The following FKBP6 variants were observed in gnomAD, a reference collection of about 807,000 sequenced individuals.
The protein encoded by FKBP6 is FKBP prolyl isomerase family member 6 (inactive), also known as inactive peptidyl-prolyl cis-trans isomerase FKBP6.
FKBP6 carries 29 observed loss-of-function variants against 41.7 expected under a neutral mutation model. The observed-to-expected ratio is 0.70, with a 90% CI of 0.52 to 0.95. The LOEUF (loss-of-function observed/expected upper bound fraction) is 0.95, where lower values mean the gene tolerates loss of function less well. Ranked by LOEUF, FKBP6 falls within the 40% of genes least tolerant of loss-of-function variation. The pLI is 0.00. For missense variants in FKBP6, 338 were observed against 408.7 expected, an observed-to-expected ratio of 0.83 and a Z score of 1.49; for synonymous variants, 130 against 165.1, an observed-to-expected ratio of 0.79 and a Z score of 1.63.
rs71925165 is a variant in FKBP6, at chr7:73,356,065, CAAAAAA to C, written c.*3-2094_*3-2089del. On this transcript the variant is annotated intron_variant, in intron 8 of 8. Transcript: ENST00000252037. ...TGGGCGACAGAGCAAGACTCTGTCT[CAAAAAA>C]AAAAAAAAAAAAAAAAAAAAAGTGA... Among the ~76,000 whole-genome samples, 30 of 32,200 alleles carry C rather than the reference CAAAAAA, an allele frequency of 9.3e-4. No individual in the cohort carries two copies. In the South Asian group the frequency reaches 0.032, roughly 35 times the overall value. 21.1% of individuals were successfully genotyped at this position (32,200 alleles called of 152,430 possible). A position where few individuals can be genotyped will look rare whatever the true frequency, so the allele number is the denominator to read the frequency against.
intron 5 of FKBP6, among the ~76,000 whole-genome samples, chr7:73,336,012 A>G (rs1411427366): frequency 6.6e-6 from 1 of 152,188 alleles, no homozygotes; most frequent in Non-Finnish European, 1.5e-5. Context: ...TGTCTGGGTC[A>G]CACAAGTATG....
Position 73,344,978 on chromosome 7 carries a change from ATTAG to A in FKBP6, c.*2+2083_*2+2086del, listed in dbSNP as rs1419377718. On this transcript the variant is annotated intron_variant, in intron 8 of 8. Transcript: ENST00000252037. ...TGGAGGAATGAGTGTTCTCTTAAGTATTAGTTATGTGCTCTAAGCCTCTGACTAT... is the reference window on the plus strand; with the variant it reads ...TGGAGGAATGAGTGTTCTCTTAAGTATTATGTGCTCTAAGCCTCTGACTAT... Among the ~76,000 whole-genome samples the A allele has an allele frequency of 5.3e-5, 8 of 152,286 alleles. No individual in the cohort carries two copies. The East Asian group carries it at 1.2e-3, about 22-fold the overall frequency.
rs970823313 is a variant in FKBP6, at chr7:73,349,882, C to A, written c.*2+6983C>A. ...TTGAATGGTTGGCCATTGGTGATTG[C>A]CAGTTGAAGGTTGCTTCGGCCCTTC... On this transcript the variant is annotated intron_variant, in intron 8 of 8. Transcript: ENST00000252037. Among the ~76,000 whole-genome samples the A allele has an allele frequency of 3.2e-4, 49 of 152,232 alleles. 1 individual carries two copies. The highest frequency in any genetic ancestry group is 3.4e-3 in the Middle Eastern group (1 of 294).
At chr7:73,336,868 A>G (rs1563314427) in intron 5 of FKBP6, 1 of 454,070 alleles carries the variant, frequency 2.2e-6, no homozygotes. Flanking sequence ...TACTTCCACA[A>G]AATGGATGGT....
At chr7:73,341,879 T>G (rs2115903924) in intron 7 of FKBP6, among the ~76,000 whole-genome samples, 1 of 152,150 alleles carries the variant, frequency 6.6e-6, no homozygotes, top group Middle Eastern at 3.4e-3. Flanking sequence ...TTGACCAGGC[T>G]GGTCTCAAAC....
At chr7:73,344,375 A>G (rs1583815798) in intron 8 of FKBP6, among the ~76,000 whole-genome samples, 1 of 151,590 alleles carries the variant, frequency 6.6e-6, no homozygotes, top group South Asian at 2.1e-4. Flanking sequence ...CAGATTTCCA[A>G]CTCCAGCATT....
At chr7:73,355,275 A>C (rs1157039466) in intron 8 of FKBP6, among the ~76,000 whole-genome samples, 1 of 152,138 alleles carries the variant, frequency 6.6e-6, no homozygotes, top group Non-Finnish European at 1.5e-5. Context: ...CGATCTCCGG[A>C]CTTATTTCTC....
intron 8 of FKBP6, among the ~76,000 whole-genome samples, chr7:73,348,073 A>G (rs898396730): frequency 1.3e-5 from 2 of 152,150 alleles, no homozygotes; most frequent in Non-Finnish European, 2.9e-5. Flanking sequence ...AAATTCCTCT[A>G]TACTATTTCT....
chr7:73,353,740 T>C (rs1384654198), intron 8 of FKBP6, among the ~76,000 whole-genome samples: 2 of 150,974 alleles, frequency 1.3e-5, no homozygotes, highest in African/African-American at 4.8e-5. Context: ...TTTTCTTCTT[T>C]TTTTTTTTTT....
intron 6 of FKBP6, 60 bp downstream of exon 6, chr7:73,340,892 A>C: frequency 8.7e-7 from 1 of 1,147,462 alleles, no homozygotes; most frequent in Non-Finnish European, 1.3e-6. Flanking sequence ...AGCAGTGCTC[A>C]ACTCAGCTAC....
intron 8 of FKBP6, among the ~76,000 whole-genome samples, chr7:73,344,100 A>G (rs1225731516): frequency 2.0e-5 from 3 of 152,234 alleles, no homozygotes; most frequent in African/African-American, 7.2e-5. Context: ...GCAGGTCTTC[A>G]GAACTGAGAT....
chr7:73,337,682 C>T (rs1239797646), intron 5 of FKBP6, among the ~76,000 whole-genome samples: 1 of 152,010 alleles, frequency 6.6e-6, no homozygotes, highest in African/African-American at 2.4e-5. Flanking sequence ...TGCCTTCATC[C>T]ATTTTTTTTT....
chr7:73,347,096 C>T (rs192712813), intron 8 of FKBP6, among the ~76,000 whole-genome samples: 6 of 152,270 alleles, frequency 3.9e-5, no homozygotes, highest in East Asian at 3.9e-4. Context: ...CTTACCTACG[C>T]GTGGCTTTCA....
At chr7:73,352,351 C>A (rs115784629) in intron 8 of FKBP6, among the ~76,000 whole-genome samples, 1 of 152,264 alleles carries the variant, frequency 6.6e-6, no homozygotes, top group Non-Finnish European at 1.5e-5. Flanking sequence ...TTTTTAATTT[C>A]TTGCGTTCAT....
At chr7:73,348,920 C>A (rs1027068366) in intron 8 of FKBP6, among the ~76,000 whole-genome samples, 1 of 151,752 alleles carries the variant, frequency 6.6e-6, no homozygotes, top group Non-Finnish European at 1.5e-5. Flanking sequence ...GCCTGGGCAA[C>A]ATGGTGAAAC....
rs1429749463 is a variant in FKBP6 at position 73,349,650 on chromosome 7, G to A, written c.*2+6751G>A. Among the ~76,000 whole-genome samples the A allele has an allele frequency of 2.1e-5, 3 of 143,678 alleles. No homozygotes were observed. In the East Asian group the frequency reaches 6.3e-4, roughly 30 times the overall value. The allele number at this position is 143,678 out of a possible 152,430, so 94.3% of individuals were successfully genotyped here. On this transcript the variant is annotated intron_variant, in intron 8 of 8. Transcript: ENST00000252037. ...AATCTCTTGAACCCAGGAGGCAGAA[G>A]TTGCAGTGAGGTCAGATTGCACCAC...
intron 5 of FKBP6, chr7:73,339,330 C>G (rs1414385950): frequency 6.6e-6 from 1 of 152,186 alleles, no homozygotes; most frequent in Admixed American, 6.5e-5. Flanking sequence ...GTTGAAAAGA[C>G]AGTTCTCTCC....
intron 5 of FKBP6, among the ~76,000 whole-genome samples, chr7:73,337,446 C>T (rs1344638889): frequency 1.3e-5 from 2 of 151,730 alleles, no homozygotes; most frequent in African/African-American, 4.8e-5. Flanking sequence ...TCCCAAGTAG[C>T]TGAGATTACA....
chr7:73,341,383 G>A lies in FKBP6; in HGVS notation c.893+1G>A. 6.4e-7 allele frequency: 1 copy of A among 1,570,288 alleles called. No homozygotes were observed. Among genetic ancestry groups the A allele is most frequent in the Non-Finnish European group, 8.8e-7 (1 of 1,140,170 alleles). ...ATAATGAGCTGAAGAAACTGGCTAG[G>A]TGAGCTGTGTTTGCAGGAGCATGAA... On this transcript the variant is annotated splice_donor_variant, in intron 7 of 8. Coordinates refer to ENST00000252037, the MANE Select transcript of FKBP6 (RefSeq NM_003602.5). LOFTEE classifies it high-confidence loss of function.
Sources: gnomAD v4.1 joint callset for allele counts (sites outside exome capture counted in the v4.1 genomes callset) on GRCh38, gnomAD v4.1.1 for gene constraint, MANE v1.5 for transcripts, NCBI Gene and HGNC (gene_info 2026-07-23, HGNC 2026-07-21) for gene names.